Variants in EYS observed in about 807,000 individuals in gnomAD.
The protein encoded by EYS is protein eyes shut homolog.
In EYS, 250 loss-of-function variants were observed where a neutral mutation model predicts 282.1. The observed-to-expected ratio is 0.89, with a 90% CI of 0.80 to 0.98. The LOEUF (loss-of-function observed/expected upper bound fraction) is 0.98. Ranked by LOEUF, EYS falls within the 50% of genes least tolerant of loss-of-function variation. The probability of loss-of-function intolerance (pLI) is 0.00; values close to 1 mark genes in which losing one functional copy is unlikely to be tolerated. For missense variants in EYS, 4,016 were observed against 3,709.0 expected, an observed-to-expected ratio of 1.08 and a Z score of -2.15; for synonymous variants, 1,355 against 1,282.9, an observed-to-expected ratio of 1.06 and a Z score of -1.20.
chr6:65,337,030 C>G (rs1770014686), intron 10 of EYS, among the ~76,000 whole-genome samples: 1 of 151,408 alleles, frequency 6.6e-6, no homozygotes, highest in Non-Finnish European at 1.5e-5. Flanking sequence ...TCATAGCCAA[C>G]AAGTTATTTT....
chr6:65,641,200 T>C (rs1397475044), intron 1 of EYS, among the ~76,000 whole-genome samples: 2 of 152,172 alleles, frequency 1.3e-5, no homozygotes, highest in African/African-American at 2.4e-5. Context: ...CCTCTGTTGG[T>C]TGTTTTGGTG....
intron 12 of EYS, among the ~76,000 whole-genome samples, chr6:65,154,476 C>T (rs1264593686): frequency 6.6e-6 from 1 of 151,552 alleles, no homozygotes; most frequent in African/African-American, 2.4e-5. Flanking sequence ...TGTGAAGAAA[C>T]TGCTTTACTG....
chr6:64,345,208 T>A (rs1176262690), intron 29 of EYS, among the ~76,000 whole-genome samples: 1 of 152,024 alleles, frequency 6.6e-6, no homozygotes, highest in Non-Finnish European at 1.5e-5. Flanking sequence ...TACTTTAAAG[T>A]TCATATGGAA....
intron 10 of EYS, among the ~76,000 whole-genome samples, chr6:65,343,516 G>A (rs1770275024): frequency 6.6e-6 from 1 of 151,240 alleles, no homozygotes; most frequent in African/African-American, 2.4e-5. Context: ...AGACAGTGGT[G>A]AGGGGATAAA....
intron 30 of EYS, among the ~76,000 whole-genome samples, chr6:64,262,605 C>A (rs1460543997): frequency 6.6e-6 from 1 of 151,926 alleles, no homozygotes; most frequent in Non-Finnish European, 1.5e-5. Flanking sequence ...CCCACTCAAC[C>A]CCCTGGTGAG....
chr6:64,913,986 A>G (rs1768084486), intron 15 of EYS, among the ~76,000 whole-genome samples: 1 of 152,144 alleles, frequency 6.6e-6, no homozygotes, highest in Non-Finnish European at 1.5e-5. Flanking sequence ...AGTATCTGTC[A>G]TTATCTTCAA....
intron 12 of EYS, among the ~76,000 whole-genome samples, chr6:65,237,048 C>T (rs1410077013): frequency 1.3e-5 from 2 of 152,108 alleles, no homozygotes; most frequent in South Asian, 2.1e-4. Context: ...TATATTAACA[C>T]GTTTTTACAT....
chr6:64,367,260 G>A (rs1772211831), intron 29 of EYS, among the ~76,000 whole-genome samples: 1 of 151,978 alleles, frequency 6.6e-6, no homozygotes, highest in South Asian at 2.1e-4. Flanking sequence ...GAATCTCATG[G>A]ACACTGATCC....
intron 31 of EYS, among the ~76,000 whole-genome samples, chr6:64,177,961 G>A (rs1764685364): frequency 6.6e-6 from 1 of 152,042 alleles, no homozygotes; most frequent in Non-Finnish European, 1.5e-5. Flanking sequence ...GGTCCAATAT[G>A]GCTGTTATTT....
intron 28 of EYS, among the ~76,000 whole-genome samples, chr6:64,393,542 C>G (rs1773239836): frequency 6.6e-6 from 1 of 152,138 alleles, no homozygotes; most frequent in Non-Finnish European, 1.5e-5. Context: ...ACATGATTAT[C>G]TCAATAGATG....
chr6:64,125,948 A>G (rs1465766020), intron 31 of EYS, among the ~76,000 whole-genome samples: 1 of 149,666 alleles, frequency 6.7e-6, no homozygotes, highest in Non-Finnish European at 1.5e-5. Context: ...TTTAAGTTTT[A>G]GGGTACACGT....
intron 41 of EYS, among the ~76,000 whole-genome samples, chr6:63,740,369 C>A (rs1769044847): frequency 6.6e-6 from 1 of 152,176 alleles, no homozygotes; most frequent in South Asian, 2.1e-4. Flanking sequence ...GTGACTTGCT[C>A]CTCCTTGCCT....
At chr6:64,780,010 T>A (rs1204029387) in intron 22 of EYS, among the ~76,000 whole-genome samples, 2 of 152,160 alleles carry the variant, frequency 1.3e-5, no homozygotes, top group African/African-American at 4.8e-5. Flanking sequence ...AATAACAACA[T>A]CTTAATCTCT....
At chr6:64,144,315 A>C (rs1336319434) in intron 31 of EYS, among the ~76,000 whole-genome samples, 1 of 152,216 alleles carries the variant, frequency 6.6e-6, no homozygotes. Flanking sequence ...ATTAAGAACT[A>C]GTTAAGTTTC....
intron 5 of EYS, among the ~76,000 whole-genome samples, chr6:65,439,333 C>CT (rs1301871820): frequency 2.0e-5 from 3 of 151,614 alleles, no homozygotes; most frequent in Non-Finnish European, 2.9e-5. Flanking sequence ...AATGCAGGCT[C>CT]TTTTTTGGTT....
At chr6:64,913,646 C>CA (rs1458398378) in intron 15 of EYS, among the ~76,000 whole-genome samples, 15 of 152,190 alleles carry the variant, frequency 9.9e-5, no homozygotes, top group South Asian at 6.2e-4. Context: ...TATTCTTTAT[C>CA]CAGTCCACCG....
rs9354155 is a variant in EYS at position 64,816,736 on chromosome 6, C to T, written c.3244-3159G>A. On this transcript the variant is annotated intron_variant, in intron 21 of 42. Transcript: ENST00000503581. ...ACACACAAGTATGGTAGGGCACACA[C>T]AAACAAATGAGCAAGAGGGGGTCTT... is the stretch of plus-strand genomic sequence containing the variant. Among the ~76,000 whole-genome samples the T allele has an allele frequency of 3.1e-3, 471 of 152,118 alleles. 4 individuals are homozygous for T. The highest frequency in any genetic ancestry group is 1.8e-3 in the Non-Finnish European group (119 of 67,986).
chr6:64,877,513 G>T (rs1766785586), intron 19 of EYS, among the ~76,000 whole-genome samples: 1 of 152,132 alleles, frequency 6.6e-6, no homozygotes, highest in Non-Finnish European at 1.5e-5. Flanking sequence ...AATAGTAAGA[G>T]AAAACAATGA....
intron 26 of EYS, among the ~76,000 whole-genome samples, chr6:64,497,442 T>G (rs1338422402): frequency 6.6e-6 from 1 of 152,124 alleles, no homozygotes; most frequent in East Asian, 1.9e-4. Flanking sequence ...TCCAGGCAAG[T>G]AAATGAACAT....
Sources: allele counts gnomAD v4.1 joint callset (sites outside exome capture counted in the v4.1 genomes callset), GRCh38; gene constraint gnomAD v4.1.1; transcripts MANE v1.5; gene names NCBI Gene and HGNC (gene_info 2026-07-23, HGNC 2026-07-21).